KCNB2: variants seen among roughly 807,000 people sequenced by gnomAD.
KCNB2 encodes the protein potassium voltage-gated channel subfamily B member 2, also known as delayed rectifier potassium channel protein.
A neutral mutation model predicts 61.5 loss-of-function variants in KCNB2; 15 were observed. The ratio of observed to expected loss-of-function variants is 0.24; its 90% CI spans 0.16 to 0.38. The LOEUF is 0.38. Ranked by LOEUF, KCNB2 falls within the 10% of genes least tolerant of loss-of-function variation. The pLI is 1.00. For missense variants in KCNB2, 828 were observed against 1,125.2 expected (o/e 0.74, Z 3.78); for synonymous variants, 457 against 446.0 (o/e 1.02, Z -0.31).
At chr8:72,920,394 A>C (rs987508206) in intron 2 of KCNB2, among the ~76,000 whole-genome samples, 3 of 148,794 alleles carry the variant, frequency 2.0e-5, no homozygotes, top group Non-Finnish European at 4.5e-5. Flanking sequence ...CAAGGCAGGC[A>C]AATCACTTGA....
chr8:72,652,322 C>T (rs1806224813), intron 2 of KCNB2, among the ~76,000 whole-genome samples: 1 of 152,036 alleles, frequency 6.6e-6, no homozygotes, highest in Non-Finnish European at 1.5e-5. Flanking sequence ...CATGCAAAGC[C>T]CACAGAATTG....
intron 2 of KCNB2, among the ~76,000 whole-genome samples, chr8:72,724,300 T>C (rs1157077962): frequency 1.3e-5 from 2 of 152,230 alleles, no homozygotes; most frequent in Non-Finnish European, 2.9e-5. Flanking sequence ...AATATTTCAA[T>C]GCCAGTTGTA....
At chr8:72,901,231 ACT>A (rs1036212591) in intron 2 of KCNB2, among the ~76,000 whole-genome samples, 5 of 152,082 alleles carry the variant, frequency 3.3e-5, no homozygotes, top group African/African-American at 1.2e-4. Flanking sequence ...GCAGGAGATG[ACT>A]CTAACAGTAC....
At chr8:72,541,906 ATTTG>A (rs1050793650) in intron 1 of KCNB2, among the ~76,000 whole-genome samples, 17 of 152,142 alleles carry the variant, frequency 1.1e-4, no homozygotes, top group African/African-American at 3.9e-4. Flanking sequence ...TTTTAGAATT[ATTTG>A]TTTTTTAAAA....
At chr8:72,821,628 ACAC>A (rs142274361) in intron 2 of KCNB2, among the ~76,000 whole-genome samples, 9,686 of 91,684 alleles carry the variant, frequency 0.11, 710 homozygotes, top group East Asian at 0.44. Context: ...CTACACACAC[ACAC>A]AAAAAAAAAC....
At chr8:72,881,755 A>T (rs1805710199) in intron 2 of KCNB2, 1 of 152,200 alleles carries the variant, frequency 6.6e-6, no homozygotes, top group African/African-American at 2.4e-5. Flanking sequence ...GTACAGGCAC[A>T]ATCTGTGAAG....
At chr8:72,659,748 G>A (rs147400474) in intron 2 of KCNB2, among the ~76,000 whole-genome samples, 307 of 152,274 alleles carry the variant, frequency 2.0e-3, no homozygotes, top group South Asian at 0.014. Context: ...CCCTCCACCA[G>A]CAAAAACTCA....
At chr8:72,806,120 G>A (rs764625798) in intron 2 of KCNB2, among the ~76,000 whole-genome samples, 2 of 152,092 alleles carry the variant, frequency 1.3e-5, no homozygotes, top group Non-Finnish European at 2.9e-5. Context: ...AGCACTTTGG[G>A]AGGCCAAGGT....
At chr8:72,578,769 GA>G (rs1182463169) in intron 2 of KCNB2, among the ~76,000 whole-genome samples, 4 of 151,814 alleles carry the variant, frequency 2.6e-5, no homozygotes, top group African/African-American at 4.8e-5. Context: ...TATTATAATT[GA>G]AAAAAAACTG....
chr8:72,564,108 A>G (rs1168917917), intron 1 of KCNB2, among the ~76,000 whole-genome samples: 1 of 152,214 alleles, frequency 6.6e-6, no homozygotes, highest in Non-Finnish European at 1.5e-5. Flanking sequence ...AGATATTTTG[A>G]AAGTTAAGTC....
intron 2 of KCNB2, among the ~76,000 whole-genome samples, chr8:72,909,815 A>G (rs765835323): frequency 6.6e-6 from 1 of 152,200 alleles, no homozygotes; most frequent in African/African-American, 2.4e-5. Flanking sequence ...TTGCATCACT[A>G]CGGGATGGTG....
chr8:72,748,609 G>GTTTTTTTTTT (rs758100543), intron 2 of KCNB2, among the ~76,000 whole-genome samples: 1 of 91,826 alleles, frequency 1.1e-5, no homozygotes, highest in Non-Finnish European at 2.2e-5. Flanking sequence ...TTTTTTTTTT[G>GTTTTTTTTTT]TTGTTTTTTT....
chr8:72,725,962 G>C (rs946628107), intron 2 of KCNB2, among the ~76,000 whole-genome samples: 1 of 152,096 alleles, frequency 6.6e-6, no homozygotes, highest in African/African-American at 2.4e-5. Context: ...CATTTGCAAA[G>C]ATATGTGATA....
chr8:72,546,300 G>T (rs1229793877), intron 1 of KCNB2, among the ~76,000 whole-genome samples: 10 of 152,118 alleles, frequency 6.6e-5, no homozygotes, highest in Admixed American at 5.2e-4. Context: ...TGGATCACAA[G>T]GTCAGGAGTT....
chr8:72,733,475 G>A (rs941952464), intron 2 of KCNB2, among the ~76,000 whole-genome samples: 3 of 152,152 alleles, frequency 2.0e-5, no homozygotes, highest in South Asian at 2.1e-4. Context: ...TCTGGGTTCA[G>A]AGTCTACTCT....
chr8:72,923,388 G>A (rs1806563266), intron 2 of KCNB2, among the ~76,000 whole-genome samples: 1 of 151,894 alleles, frequency 6.6e-6, no homozygotes. Context: ...ATATGTTTTG[G>A]GATAAAATAC....
intron 2 of KCNB2, among the ~76,000 whole-genome samples, chr8:72,817,098 T>C (rs1809412580): frequency 6.6e-6 from 1 of 152,192 alleles, no homozygotes; most frequent in Admixed American, 6.5e-5. Flanking sequence ...AAAAATACTC[T>C]TTCAAGGCCA....
intron 2 of KCNB2, among the ~76,000 whole-genome samples, chr8:72,861,082 C>T (rs1805399116): frequency 6.6e-6 from 1 of 152,082 alleles, no homozygotes; most frequent in Admixed American, 6.6e-5. Context: ...AGGAGGACAC[C>T]GGAAGTTTCT....
chr8:72,721,200 C>G (rs1407661504), intron 2 of KCNB2, among the ~76,000 whole-genome samples: 2 of 152,218 alleles, frequency 1.3e-5, no homozygotes, highest in Non-Finnish European at 2.9e-5. Flanking sequence ...GCTCACACAG[C>G]CTCTGGTGTA....
Sources: gnomAD v4.1 joint callset for allele counts (sites outside exome capture counted in the v4.1 genomes callset) on GRCh38, gnomAD v4.1.1 for gene constraint, MANE v1.5 for transcripts, NCBI Gene and HGNC (gene_info 2026-07-23, HGNC 2026-07-21) for gene names.